The following PDGFD variants were observed in gnomAD, a reference collection of about 807,000 sequenced individuals.
PDGFD encodes the protein platelet derived growth factor D, also known as platelet-derived growth factor D.
A neutral mutation model predicts 44.7 loss-of-function variants in PDGFD; 30 were observed. That is an observed-to-expected ratio of 0.67 (90% confidence interval 0.50 to 0.91). The LOEUF is 0.91. Ranked by LOEUF, PDGFD falls within the 40% of genes least tolerant of loss-of-function variation. The pLI is 0.00. For synonymous variants in PDGFD, 173 were observed against 168.4 expected, an observed-to-expected ratio of 1.03 and a Z score of -0.21; for missense variants, 445 against 457.8, an observed-to-expected ratio of 0.97 and a Z score of 0.25.
intron 1 of PDGFD, among the ~76,000 whole-genome samples, chr11:104,025,359 G>A (rs373675158): frequency 1.6e-4 from 25 of 152,268 alleles, no homozygotes; most frequent in South Asian, 1.5e-3. Context: ...CTAGCTTTCC[G>A]TCAAATCTAC....
chr11:104,007,256 T>C (rs1173800010), intron 1 of PDGFD, among the ~76,000 whole-genome samples: 2 of 152,174 alleles, frequency 1.3e-5, no homozygotes, highest in Admixed American at 1.3e-4. Context: ...ATACAATGAC[T>C]AGAGCAAGAG....
intron 1 of PDGFD, among the ~76,000 whole-genome samples, chr11:104,109,472 C>A (rs909708008): frequency 6.6e-6 from 1 of 152,048 alleles, no homozygotes; most frequent in Non-Finnish European, 1.5e-5. Context: ...AAAAAAAAGT[C>A]TTTTTGGATC....
intron 3 of PDGFD, among the ~76,000 whole-genome samples, chr11:103,968,624 G>A (rs888483490): frequency 2.1e-4 from 32 of 152,102 alleles, no homozygotes; most frequent in African/African-American, 7.5e-4. Context: ...TTCAATTCAA[G>A]GGTTCGTCAT....
At position 104,044,032 on chromosome 11, in the gene PDGFD, G is replaced by A. The variant is rs899471167; in HGVS notation, c.125-43777C>T. ...CTTACACAATAGGCGAACAACCAGC[G>A]AAATAGTCACAAGGAATTGACTACC... On this transcript the variant is annotated intron_variant, in intron 1 of 6. Coordinates refer to ENST00000393158, the MANE Select transcript of PDGFD (RefSeq NM_025208.5). Among the ~76,000 whole-genome samples, 6 of 152,262 alleles carry A rather than the reference G, an allele frequency of 3.9e-5. 1 individual carries two copies. The highest frequency in any genetic ancestry group is 6.8e-3 in the Middle Eastern group (2 of 294).
chr11:104,128,395 T>C (rs1218496031), intron 1 of PDGFD, among the ~76,000 whole-genome samples: 1 of 152,178 alleles, frequency 6.6e-6, no homozygotes, highest in Non-Finnish European at 1.5e-5. Flanking sequence ...TCATCTCTAC[T>C]AAATGCTAGT....
intron 3 of PDGFD, among the ~76,000 whole-genome samples, chr11:103,958,997 C>G (rs1858897094): frequency 6.6e-6 from 1 of 152,154 alleles, no homozygotes; most frequent in African/African-American, 2.4e-5. Context: ...ACAGTCAACA[C>G]AGCTGGTACG....
intron 1 of PDGFD, among the ~76,000 whole-genome samples, chr11:104,071,938 T>C (rs1019728833): frequency 1.3e-5 from 2 of 151,850 alleles, no homozygotes; most frequent in Non-Finnish European, 2.9e-5. Flanking sequence ...ATTCCACTAG[T>C]CTATTTATAT....
intron 3 of PDGFD, among the ~76,000 whole-genome samples, chr11:103,963,107 G>A (rs559576597): frequency 1.3e-5 from 2 of 152,116 alleles, no homozygotes; most frequent in South Asian, 4.2e-4. Context: ...TAAACACTTC[G>A]TGCTACCTGT....
At chr11:104,026,912 AG>A (rs1860049212) in intron 1 of PDGFD, among the ~76,000 whole-genome samples, 1 of 152,256 alleles carries the variant, frequency 6.6e-6, no homozygotes, top group Non-Finnish European at 1.5e-5. Context: ...CTTGATGTCA[AG>A]TTCAACAGTT....
rs1857995247 is a variant in PDGFD, at chr11:103,909,558, A to C, written c.*136T>G. The stretch of plus-strand genomic sequence containing the variant: ...CCATGGCATTAACAAAGCAAGGCTG[A>C]GACTCAGCAACCACTTGTGTTCATT... On this transcript the variant is annotated 3_prime_UTR_variant, in exon 7 of 7. Transcript: ENST00000393158. The C allele has an allele frequency of 5.3e-6, 6 of 1,123,230 alleles. No homozygotes were observed. Among genetic ancestry groups the C allele is most frequent in the Non-Finnish European group, 6.5e-6 (5 of 769,460 alleles). The allele number at this position is 1,123,230 out of a possible 1,614,324, so 69.6% of individuals were successfully genotyped here.
intron 1 of PDGFD, among the ~76,000 whole-genome samples, chr11:104,050,563 G>A (rs188021339): frequency 6.6e-6 from 1 of 152,230 alleles, no homozygotes; most frequent in African/African-American, 2.4e-5. Flanking sequence ...ACACCCTTGG[G>A]CAAGGCACCA....
intron 1 of PDGFD, among the ~76,000 whole-genome samples, chr11:104,157,724 C>T (rs1862327882): frequency 6.6e-6 from 1 of 152,070 alleles, no homozygotes; most frequent in African/African-American, 2.4e-5. Flanking sequence ...CTAATATATA[C>T]AATATGATTA....
intron 5 of PDGFD, among the ~76,000 whole-genome samples, chr11:103,931,726 ACAGGTGTGTGCCACATGCC>A (rs1239502264): frequency 6.6e-6 from 1 of 152,148 alleles, no homozygotes; most frequent in Non-Finnish European, 1.5e-5. Flanking sequence ...AGCTGGGACT[ACAGGTGTGTGCCACATGCC>A]CAGCTAATTT....
chr11:103,916,850 C>T (rs1424684843), intron 6 of PDGFD, among the ~76,000 whole-genome samples: 1 of 152,150 alleles, frequency 6.6e-6, no homozygotes, highest in Admixed American at 6.5e-5. Flanking sequence ...GAAAACCCAA[C>T]ACCACATGTT....
chr11:104,020,030 C>G (rs1293969437), intron 1 of PDGFD, among the ~76,000 whole-genome samples: 1 of 152,078 alleles, frequency 6.6e-6, no homozygotes, highest in Non-Finnish European at 1.5e-5. Context: ...TTAAGCTAAA[C>G]AGATGCACAG....
At chr11:104,067,485 A>G (rs1378413069) in intron 1 of PDGFD, among the ~76,000 whole-genome samples, 8 of 152,174 alleles carry the variant, frequency 5.3e-5, no homozygotes, top group African/African-American at 1.9e-4. Context: ...TTAGAATTCA[A>G]TCAAATAAAA....
intron 5 of PDGFD, among the ~76,000 whole-genome samples, chr11:103,935,290 G>A (rs997445817): frequency 3.3e-5 from 5 of 152,144 alleles, no homozygotes; most frequent in Non-Finnish European, 1.5e-5. Context: ...AAAAACAACT[G>A]AAAGTTGTCC....
At chr11:104,044,966 G>C (rs1343327426) in intron 1 of PDGFD, among the ~76,000 whole-genome samples, 1 of 152,100 alleles carries the variant, frequency 6.6e-6, no homozygotes, top group African/African-American at 2.4e-5. Flanking sequence ...CGAACCCGGG[G>C]GGCGGAGCTT....
intron 6 of PDGFD, 63 bp downstream of exon 6, chr11:103,926,849 T>A: frequency 6.7e-7 from 1 of 1,498,674 alleles, no homozygotes; most frequent in Non-Finnish European, 9.1e-7. Context: ...CTGTATGCAA[T>A]GGCCCTGTCT....
Sources: allele counts gnomAD v4.1 joint callset (sites outside exome capture counted in the v4.1 genomes callset), GRCh38; gene constraint gnomAD v4.1.1; transcripts MANE v1.5; gene names NCBI Gene and HGNC (gene_info 2026-07-23, HGNC 2026-07-21).